Variants in CADPS observed in about 807,000 individuals in gnomAD.
CADPS encodes calcium-dependent secretion activator 1.
CADPS carries 57 observed loss-of-function variants against 167.3 expected under a neutral mutation model. The observed-to-expected ratio is 0.34, with a 90% confidence interval of 0.28 to 0.42. The LOEUF (loss-of-function observed/expected upper bound fraction) is 0.42, where lower values mean the gene tolerates loss of function less well. CADPS is among the 20% of genes least tolerant of loss of function. The pLI, the probability that CADPS is intolerant of heterozygous loss-of-function variation, is 1.00. For synonymous variants in CADPS, 676 were observed against 635.3 expected (o/e 1.06, Z -0.96); for missense variants, 1,414 against 1,738.1 (o/e 0.81, Z 3.32).
At chr3:62,597,404 T>C (rs1043027534) in intron 6 of CADPS, among the ~76,000 whole-genome samples, 1 of 152,146 alleles carries the variant, frequency 6.6e-6, no homozygotes, top group Admixed American at 6.5e-5. Context: ...TCATTATACT[T>C]GGTCATGGGG....
At chr3:62,772,671 G>T (rs1369741323) in intron 1 of CADPS, among the ~76,000 whole-genome samples, 2 of 152,160 alleles carry the variant, frequency 1.3e-5, no homozygotes, top group African/African-American at 4.8e-5. Context: ...CTTACTGGCA[G>T]CCAGATGCAT....
intron 10 of CADPS, among the ~76,000 whole-genome samples, chr3:62,555,584 T>C (rs1260531942): frequency 1.3e-5 from 2 of 152,180 alleles, no homozygotes; most frequent in Non-Finnish European, 2.9e-5. Flanking sequence ...CCTGGTCTTA[T>C]CCACTTTGTG....
At position 62,496,732 on chromosome 3, in the gene CADPS, CA is replaced by C. The variant is rs1458156857; in HGVS notation, c.2706+2429del. ...GATTCAAAGCCAAACTTCTCTGGCA[CA>C]GAGCCTAAACTCCTGGACACCCTGC... On this transcript the variant is annotated intron_variant, in intron 18 of 29. Coordinates refer to ENST00000383710, the MANE Select transcript of CADPS (RefSeq NM_003716.4). 3.9e-5 allele frequency among the ~76,000 whole-genome samples: 6 copies of C among 152,286 alleles called. No homozygotes were observed. In the South Asian group the frequency reaches 1.2e-3, roughly 32 times the overall value.
At chr3:62,429,709 G>GAA (rs11428389) in intron 28 of CADPS, among the ~76,000 whole-genome samples, 11 of 144,234 alleles carry the variant, frequency 7.6e-5, no homozygotes, top group African/African-American at 7.6e-5. Context: ...TCTGCCATAA[G>GAA]AAAAAAAAAA....
chr3:62,761,459 A>T (rs936588839), intron 2 of CADPS, among the ~76,000 whole-genome samples: 71 of 152,278 alleles, frequency 4.7e-4, no homozygotes, highest in Middle Eastern at 6.8e-3. Flanking sequence ...TAGGAGCTTC[A>T]CTGGCTGAAG....
intron 3 of CADPS, among the ~76,000 whole-genome samples, chr3:62,678,446 A>G (rs999268801): frequency 6.6e-6 from 1 of 152,128 alleles, no homozygotes; most frequent in Non-Finnish European, 1.5e-5. Flanking sequence ...ACTATTTCAT[A>G]AGGAAGAAAA....
chr3:62,763,602 CAGG>C (rs2086105395), intron 2 of CADPS, among the ~76,000 whole-genome samples: 1 of 152,070 alleles, frequency 6.6e-6, no homozygotes, highest in African/African-American at 2.4e-5. Flanking sequence ...GAGTTGGGTA[CAGG>C]AAGAGACATC....
rs538794064 is a variant in CADPS at position 62,594,415 on chromosome 3, C to T, written c.1326-1667G>A. Among the ~76,000 whole-genome samples, 5 of 152,248 alleles carry T rather than the reference C, an allele frequency of 3.3e-5. No individual in the cohort carries two copies. The East Asian group carries it at 9.7e-4, about 29-fold the overall frequency. The stretch of plus-strand genomic sequence containing the variant: ...TGACCTCGTGATCCGCCCGCCTCGG[C>T]CTCCCAAAGTGCTGGGATTACAGGC... On this transcript the variant is annotated intron_variant, in intron 6 of 29. Transcript: ENST00000383710.
intron 5 of CADPS, among the ~76,000 whole-genome samples, chr3:62,646,691 GCCAGTTACAAC>G (rs2068670926): frequency 6.6e-6 from 1 of 152,214 alleles, no homozygotes; most frequent in African/African-American, 2.4e-5. Context: ...GGGAGCAGCT[GCCAGTTACAAC>G]CCGTTGTTGC....
intron 28 of CADPS, among the ~76,000 whole-genome samples, chr3:62,417,490 G>C (rs1331887233): frequency 6.6e-6 from 1 of 151,420 alleles, no homozygotes; most frequent in African/African-American, 2.4e-5. Context: ...TTGCTATGTT[G>C]GCCAGGCTGG....
chr3:62,586,754 G>A (rs1184898343), intron 7 of CADPS, among the ~76,000 whole-genome samples: 1 of 152,108 alleles, frequency 6.6e-6, no homozygotes, highest in Non-Finnish European at 1.5e-5. Context: ...CAATGTTGTT[G>A]AGCAATTAGC....
At chr3:62,708,513 CT>C (rs1420564289) in intron 3 of CADPS, among the ~76,000 whole-genome samples, 80 of 152,032 alleles carry the variant, frequency 5.3e-4, no homozygotes, top group African/African-American at 1.9e-3. Flanking sequence ...CCCAAGGTTA[CT>C]ATATGTAGAG....
intron 6 of CADPS, among the ~76,000 whole-genome samples, chr3:62,614,848 G>A (rs77091390): frequency 5.9e-5 from 9 of 152,286 alleles, no homozygotes; most frequent in African/African-American, 2.2e-4. Flanking sequence ...ATGTGATCTT[G>A]GATAAGTACC....
At chr3:62,456,814 T>C (rs1443255819) in intron 26 of CADPS, among the ~76,000 whole-genome samples, 1 of 150,344 alleles carries the variant, frequency 6.7e-6, no homozygotes, top group East Asian at 1.9e-4. Context: ...ATAAGTAAGA[T>C]AGTGTTTGCC....
intron 18 of CADPS, among the ~76,000 whole-genome samples, chr3:62,496,655 T>C (rs2064849594): frequency 6.6e-6 from 1 of 152,216 alleles, no homozygotes; most frequent in Non-Finnish European, 1.5e-5. Flanking sequence ...TATTGTTATC[T>C]CCACTTTACA....
chr3:62,489,923 T>G (rs538360334), intron 21 of CADPS, among the ~76,000 whole-genome samples: 8 of 152,286 alleles, frequency 5.3e-5, no homozygotes, highest in Non-Finnish European at 1.2e-4. Flanking sequence ...AGGGCCATAT[T>G]AAGAGACTGT....
Position 62,399,282 on chromosome 3 carries a change from T to G in CADPS, c.*124A>C. 1.2e-6 allele frequency: 1 copy of G among 831,144 alleles called. No individual in the cohort carries two copies. The highest frequency in any genetic ancestry group is 3.5e-4 in the Middle Eastern group (1 of 2,850). The allele number at this position is 831,144 out of a possible 1,614,324, so 51.5% of individuals were successfully genotyped here. A position where few individuals can be genotyped will look rare whatever the true frequency, so the allele number is the denominator to read the frequency against. ...TGGTACCACATAGCTAAAATGGCAGTTGTATTGATAAACATCTCATGGGCA... is the reference window on the plus strand; with the variant it reads ...TGGTACCACATAGCTAAAATGGCAGGTGTATTGATAAACATCTCATGGGCA... On this transcript the variant is annotated 3_prime_UTR_variant, in exon 30 of 30. Coordinates refer to ENST00000383710, the MANE Select transcript of CADPS (RefSeq NM_003716.4). This position sits in a 1 kb window ranked among gnomAD's most constrained non-coding sequence, Gnocchi z 5.6.
intron 4 of CADPS, among the ~76,000 whole-genome samples, chr3:62,655,358 G>A (rs1203003577): frequency 2.0e-5 from 3 of 152,184 alleles, no homozygotes; most frequent in Non-Finnish European, 4.4e-5. Flanking sequence ...GATCAGCCTT[G>A]ACAGAAGAAT....
chr3:62,672,565 C>A (rs145608360), intron 3 of CADPS, among the ~76,000 whole-genome samples: 1 of 152,148 alleles, frequency 6.6e-6, no homozygotes, highest in Non-Finnish European at 1.5e-5. Context: ...TCTAGGTTCA[C>A]GAACATGACA....
Sources: gnomAD v4.1 joint callset for allele counts (sites outside exome capture counted in the v4.1 genomes callset) on GRCh38, gnomAD v4.1.1 for gene constraint, Gnocchi (gnomAD v3.1) non-coding constraint, MANE v1.5 for transcripts, NCBI Gene and HGNC (gene_info 2026-07-23, HGNC 2026-07-21) for gene names.